Variants in PRSS3 observed in about 807,000 individuals in gnomAD.
PRSS3 encodes serine protease 3.
A neutral mutation model predicts 20.8 loss-of-function variants in PRSS3; 14 were observed. That is an observed-to-expected ratio of 0.67 (90% confidence interval 0.44 to 1.05). PRSS3 has a LOEUF of 1.05. Among genes scored for constraint, PRSS3 ranks in the 50% least tolerant of loss-of-function variants. PRSS3 has a pLI of 0.00. For synonymous variants in PRSS3, 91 were observed against 117.6 expected (o/e 0.77, Z 1.46); for missense variants, 237 against 306.4 (o/e 0.77, Z 1.69).
At chr9:33,763,698 CA>C (rs370849434) in intron 1 of PRSS3, among the ~76,000 whole-genome samples, 5,957 of 78,946 alleles carry the variant, frequency 0.075, 88 homozygotes, top group African/African-American at 0.11. Flanking sequence ...GACTCTGTCT[CA>C]AAAAAAAAAA....
intron 1 of PRSS3, among the ~76,000 whole-genome samples, chr9:33,763,059 C>G (rs896257703): frequency 6.6e-6 from 1 of 152,124 alleles, no homozygotes; most frequent in Non-Finnish European, 1.5e-5. Flanking sequence ...AGTGGCAAAA[C>G]CAGGATTGAA....
upstream of PRSS3, chr9:33,794,766 G>A (rs561833705): frequency 6.5e-7 from 1 of 1,550,240 alleles, no homozygotes; most frequent in East Asian, 2.4e-5. Flanking sequence ...CAACCGTGAG[G>A]CTGCATAAAA....
Position 33,767,750 on chromosome 9 carries a change from A to G in PRSS3, c.-53+17023A>G, listed in dbSNP as rs540602747. Among the ~76,000 whole-genome samples the G allele has an allele frequency of 2.1e-4, 32 of 152,226 alleles. No individual in the cohort carries two copies. The East Asian group carries it at 5.8e-3, about 28-fold the overall frequency. On this transcript the variant is annotated intron_variant, in intron 1 of 5. Coordinates refer to the PRSS3 transcript ENST00000342836. ...TGAGGCAGGAGAATCACTTGAACCC[A>G]GGAGGCAGAGGTTGCAGTGAGCCAA... is the stretch of plus-strand genomic sequence containing the variant.
In PRSS3 at chr9:33,787,907, G is replaced by A. The variant is rs138051177; in HGVS notation, c.-52-6839G>A. On this transcript the variant is annotated intron_variant, in intron 1 of 5. Transcript: ENST00000342836. ...TTTATTACTTACACACAGGCAGCAAGGGAAAACAGAGGCCTAAGATTCAGG... is the reference window on the plus strand; with the variant it reads ...TTTATTACTTACACACAGGCAGCAAAGGAAAACAGAGGCCTAAGATTCAGG... Among the ~76,000 whole-genome samples the A allele has an allele frequency of 9.1e-3, 1,388 of 152,312 alleles. 11 individuals are homozygous for A. The highest frequency in any genetic ancestry group is 0.014 in the Non-Finnish European group (956 of 68,028).
chr9:33,786,488 C>T, intron 1 of PRSS3: 1 of 738,822 alleles, frequency 1.4e-6, no homozygotes. Context: ...CCGTCTGACC[C>T]CAAGCTTGTC....
chr9:33,752,619 C>T (rs1180733484), intron 1 of PRSS3, among the ~76,000 whole-genome samples: 7 of 152,198 alleles, frequency 4.6e-5, no homozygotes, highest in Middle Eastern at 3.2e-3. Context: ...TGAGTGCTGT[C>T]CTCCTCACAC....
At chr9:33,794,041 C>T (rs1587397530), upstream of PRSS3, among the ~76,000 whole-genome samples, 2 of 152,210 alleles carry the variant, frequency 1.3e-5, no homozygotes, top group African/African-American at 2.4e-5. Flanking sequence ...GAAGCTGGCT[C>T]GTTGGCCATG....
At chr9:33,771,336 G>A (rs1180465260) in intron 1 of PRSS3, among the ~76,000 whole-genome samples, 1 of 149,396 alleles carries the variant, frequency 6.7e-6, no homozygotes. Flanking sequence ...TTTATGTTTT[G>A]AGATGGAGTC....
chr9:33,782,379 A>AAT (rs1310047252), intron 1 of PRSS3, among the ~76,000 whole-genome samples: 1 of 152,216 alleles, frequency 6.6e-6, no homozygotes, highest in Non-Finnish European at 1.5e-5. Context: ...ACCTGGGTGC[A>AAT]ATATACCCAT....
chr9:33,768,864 A>C (rs1193385700), intron 1 of PRSS3, among the ~76,000 whole-genome samples: 4 of 152,226 alleles, frequency 2.6e-5, no homozygotes, highest in Admixed American at 6.5e-5. Context: ...TCCACAAAAA[A>C]ATAAAAATAA....
At chr9:33,777,700 T>C (rs554572133) in intron 1 of PRSS3, among the ~76,000 whole-genome samples, 1 of 144,584 alleles carries the variant, frequency 6.9e-6, no homozygotes, top group Non-Finnish European at 1.5e-5. Context: ...AGAGCGAGAC[T>C]GCGTCTCAAA....
upstream of PRSS3, chr9:33,795,488 C>A: frequency 1.3e-6 from 2 of 1,560,844 alleles, no homozygotes; most frequent in Non-Finnish European, 1.8e-6. Flanking sequence ...GAACTGTGAC[C>A]CTCACCTCAC....
At chr9:33,780,432 G>A (rs2118988835) in intron 1 of PRSS3, among the ~76,000 whole-genome samples, 1 of 152,280 alleles carries the variant, frequency 6.6e-6, no homozygotes, top group East Asian at 1.9e-4. Flanking sequence ...ATGGAATCTA[G>A]AGAACCTGCT....
At chr9:33,759,996 A>C (rs1823116924) in intron 1 of PRSS3, among the ~76,000 whole-genome samples, 1 of 152,230 alleles carries the variant, frequency 6.6e-6, no homozygotes, top group African/African-American at 2.4e-5. Flanking sequence ...TGGAGAAGGC[A>C]GAGAGCCCAA....
Position 33,785,655 on chromosome 9 carries a change from T to C in PRSS3, c.-52-9091T>C, listed in dbSNP as rs1274348599. On this transcript the variant is annotated intron_variant, in intron 1 of 5. Coordinates refer to the PRSS3 transcript ENST00000342836. ...AGAGACAATGCATTTAATTTGCAAA[T>C]TGACAAATAAGGTAGGTGAGGAAAA... Among the ~76,000 whole-genome samples, 3 of 152,016 alleles carry C rather than the reference T, an allele frequency of 2.0e-5. No individual in the cohort carries two copies. The East Asian group carries it at 5.8e-4, about 29-fold the overall frequency.
chr9:33,769,674 C>T (rs1056105623), intron 1 of PRSS3, among the ~76,000 whole-genome samples: 3 of 152,202 alleles, frequency 2.0e-5, no homozygotes, highest in Admixed American at 6.5e-5. Context: ...GCTACTGCCA[C>T]CTTGGGCCCA....
At chr9:33,760,855 A>C (rs117690038) in intron 1 of PRSS3, among the ~76,000 whole-genome samples, 5,714 of 152,176 alleles carry the variant, frequency 0.038, 141 homozygotes, top group Non-Finnish European at 0.054. Context: ...ATTCTGACTC[A>C]GTGGCCAGTG....
chr9:33,796,809 G>T lies in PRSS3; in HGVS notation c.200+7G>T, dbSNP rs569317609. ...CAGCTCACTGCTACAAGACGTAAGT[G>T]TGGGGCCCCTGACTGCAAAGCTCCC... On this transcript the variant is annotated splice_region_variant and intron_variant, in intron 2 of 4. Coordinates refer to ENST00000379405, the MANE Select transcript of PRSS3 (RefSeq NM_002771.4). 9.9e-6 allele frequency: 15 copies of T among 1,516,926 alleles called. No individual in the cohort carries two copies. The African/African-American group carries it at 1.8e-4, about 18-fold the overall frequency. The allele number at this position is 1,516,926 out of a possible 1,614,324, so 94.0% of individuals were successfully genotyped here.
intron 1 of PRSS3, among the ~76,000 whole-genome samples, chr9:33,769,036 G>T (rs1164354524): frequency 6.6e-6 from 1 of 152,150 alleles, no homozygotes; most frequent in Non-Finnish European, 1.5e-5. Context: ...TTGTTATACA[G>T]TGGCAAAGAA....
Sources: gnomAD v4.1 joint callset for allele counts (sites outside exome capture counted in the v4.1 genomes callset) on GRCh38, gnomAD v4.1.1 for gene constraint, MANE v1.5 for transcripts, NCBI Gene and HGNC (gene_info 2026-07-23, HGNC 2026-07-21) for gene names.